The following PACS1 variants were observed in gnomAD, a reference collection of about 807,000 sequenced individuals.
PACS1 encodes the protein PACS-1.
In PACS1, 24 loss-of-function variants were observed where a neutral mutation model predicts 115.0. That is an observed-to-expected ratio of 0.21 (90% CI 0.15 to 0.29). PACS1 has a LOEUF of 0.29. Among genes scored for constraint, PACS1 ranks in the 10% least tolerant of loss-of-function variants. The pLI, the probability that PACS1 is intolerant of heterozygous loss-of-function variation, is 1.00. For synonymous variants in PACS1, 453 were observed against 504.5 expected, an observed-to-expected ratio of 0.90 and a Z score of 1.37; for missense variants, 838 against 1,251.2, an observed-to-expected ratio of 0.67 and a Z score of 4.98.
At chr11:66,230,021 G>A (rs1855552813) in intron 11 of PACS1, among the ~76,000 whole-genome samples, 1 of 152,056 alleles carries the variant, frequency 6.6e-6, no homozygotes, top group South Asian at 2.1e-4. Flanking sequence ...GATAGAGAGG[G>A]TGGATGTGAG....
At chr11:66,204,834 CAT>C (rs1052664352) in intron 2 of PACS1, among the ~76,000 whole-genome samples, 3 of 152,026 alleles carry the variant, frequency 2.0e-5, no homozygotes, top group African/African-American at 7.2e-5. Flanking sequence ...GATACAAAAA[CAT>C]AGAATGAATA....
intron 1 of PACS1, among the ~76,000 whole-genome samples, chr11:66,186,587 C>T (rs1403000966): frequency 1.3e-5 from 2 of 152,206 alleles, no homozygotes; most frequent in Non-Finnish European, 2.9e-5. Flanking sequence ...TGTGTCCTTT[C>T]ACTAGAGTGT....
At chr11:66,138,958 G>A (rs980084046) in intron 1 of PACS1, among the ~76,000 whole-genome samples, 2 of 114,372 alleles carry the variant, frequency 1.7e-5, no homozygotes, top group East Asian at 4.4e-4. Flanking sequence ...TGGGATTACA[G>A]GTGTGAGCCA....
intron 1 of PACS1, among the ~76,000 whole-genome samples, chr11:66,172,975 A>C (rs1859773295): frequency 1.2e-5 from 1 of 80,596 alleles, no homozygotes; most frequent in Non-Finnish European, 2.4e-5. Flanking sequence ...ACTCTGTCTC[A>C]AAAAAAAAAA....
intron 1 of PACS1, among the ~76,000 whole-genome samples, chr11:66,088,146 G>T (rs1857603606): frequency 6.6e-6 from 1 of 151,798 alleles, no homozygotes; most frequent in South Asian, 2.1e-4. Flanking sequence ...CATACTCTGT[G>T]TGTTCCTTTT....
In PACS1 at chr11:66,202,594, A is replaced by G. The variant is rs994313132; in HGVS notation, c.445-7768A>G. On this transcript the variant is annotated intron_variant, in intron 2 of 23. Coordinates refer to ENST00000320580, the MANE Select transcript of PACS1 (RefSeq NM_018026.4). Reference sequence around the variant, plus strand: ...GGACAAAACCCATGTGATAATCTCAATTGATGCCAAATGGCTGGGTGTTGT... The same window carrying G: ...GGACAAAACCCATGTGATAATCTCAGTTGATGCCAAATGGCTGGGTGTTGT... Among the ~76,000 whole-genome samples, 7 of 151,796 alleles carry G rather than the reference A, an allele frequency of 4.6e-5. No individual in the cohort carries two copies. The East Asian group carries it at 1.4e-3, about 29-fold the overall frequency.
intron 20 of PACS1, 122 bp from the exon 21 acceptor site, chr11:66,239,020 A>G: frequency 6.7e-7 from 1 of 1,489,094 alleles, no homozygotes; most frequent in Non-Finnish European, 9.2e-7. Context: ...GGGAGGTGGA[A>G]GGAGCCTGGG....
At chr11:66,223,588 C>G (rs1210309417) in intron 10 of PACS1, among the ~76,000 whole-genome samples, 4 of 152,034 alleles carry the variant, frequency 2.6e-5, no homozygotes, top group African/African-American at 9.7e-5. Context: ...CAAACCCTAC[C>G]CCTGGCCATG....
chr11:66,217,587 C>A (rs1855244019), intron 7 of PACS1: 1 of 456,250 alleles, frequency 2.2e-6, no homozygotes, highest in South Asian at 1.5e-5. Flanking sequence ...AGATCACTCT[C>A]CCATCACAAT....
chr11:66,097,378 C>T (rs963960522), intron 1 of PACS1, among the ~76,000 whole-genome samples: 2 of 152,162 alleles, frequency 1.3e-5, no homozygotes, highest in Non-Finnish European at 2.9e-5. Flanking sequence ...CCTATGGAGA[C>T]GGCCCTGTGG....
At chr11:66,099,673 GT>G (rs1441311593) in intron 1 of PACS1, among the ~76,000 whole-genome samples, 1 of 151,908 alleles carries the variant, frequency 6.6e-6, no homozygotes, top group Non-Finnish European at 1.5e-5. Context: ...AGCCTCCCGA[GT>G]AGCTGGGACC....
intron 1 of PACS1, among the ~76,000 whole-genome samples, chr11:66,097,249 T>A (rs551411273): frequency 1.3e-5 from 2 of 152,262 alleles, no homozygotes; most frequent in Non-Finnish European, 1.5e-5. Flanking sequence ...TGATAGAATA[T>A]GGCAGAGGTG....
At chr11:66,231,751 C>G (rs1855599501) in intron 13 of PACS1, 1 of 202,496 alleles carries the variant, frequency 4.9e-6, no homozygotes, top group African/African-American at 2.3e-5. Flanking sequence ...CCACACAGCA[C>G]TCATTGCCAC....
At chr11:66,149,973 T>A (rs1157498364) in intron 1 of PACS1, among the ~76,000 whole-genome samples, 1 of 151,846 alleles carries the variant, frequency 6.6e-6, no homozygotes, top group African/African-American at 2.4e-5. Flanking sequence ...GGTCTCGAAC[T>A]TGCCACCTCA....
intron 11 of PACS1, among the ~76,000 whole-genome samples, chr11:66,229,203 C>T (rs1262875005): frequency 1.9e-5 from 2 of 105,366 alleles, no homozygotes; most frequent in African/African-American, 3.4e-5. Flanking sequence ...TGGAAAAACC[C>T]GTCTCTACAA....
chr11:66,119,429 A>G (rs190068886), intron 1 of PACS1, among the ~76,000 whole-genome samples: 338 of 152,360 alleles, frequency 2.2e-3, no homozygotes, highest in Non-Finnish European at 4.2e-3. Flanking sequence ...CTAGGCCAGA[A>G]ATGTTAAGCC....
intron 1 of PACS1, among the ~76,000 whole-genome samples, chr11:66,082,357 G>C (rs1857495795): frequency 6.6e-6 from 1 of 151,964 alleles, no homozygotes; most frequent in Non-Finnish European, 1.5e-5. Context: ...TCCAAGTAAA[G>C]GTCCACATCA....
intron 1 of PACS1, among the ~76,000 whole-genome samples, chr11:66,080,841 G>A (rs1857465166): frequency 6.6e-6 from 1 of 152,178 alleles, no homozygotes; most frequent in Admixed American, 6.5e-5. Context: ...TGTGGGTTCT[G>A]GAGCCAGTCA....
chr11:66,217,465 T>A (rs751176238), intron 7 of PACS1: 8 of 437,568 alleles, frequency 1.8e-5, no homozygotes, highest in Non-Finnish European at 3.3e-5. Context: ...GAAGGGGAAT[T>A]CACAGCTCCA....
Sources: gnomAD v4.1 joint callset for allele counts (sites outside exome capture counted in the v4.1 genomes callset) on GRCh38, gnomAD v4.1.1 for gene constraint, MANE v1.5 for transcripts, NCBI Gene and HGNC (gene_info 2026-07-23, HGNC 2026-07-21) for gene names.